The following COL4A3 variants were observed in gnomAD, a reference collection of about 807,000 sequenced individuals.
COL4A3 encodes the protein collagen type IV alpha 3 chain.
Under a neutral mutation model 217.4 loss-of-function variants are expected in COL4A3, and 135 were observed. That is an observed-to-expected ratio of 0.62 (90% CI 0.54 to 0.72). COL4A3 has a LOEUF of 0.72. COL4A3 is among the 30% of genes least tolerant of loss of function. The probability of loss-of-function intolerance (pLI) is 0.00; values close to 1 mark genes in which losing one functional copy is unlikely to be tolerated. For synonymous variants in COL4A3, 690 were observed against 736.3 expected, an observed-to-expected ratio of 0.94 and a Z score of 1.02; for missense variants, 1,868 against 2,119.9, an observed-to-expected ratio of 0.88 and a Z score of 2.33.
chr2:227,202,742 A>G (rs2066746620), intron 1 of COL4A3, among the ~76,000 whole-genome samples: 1 of 90,242 alleles, frequency 1.1e-5, no homozygotes, highest in Non-Finnish European at 2.2e-5. Context: ...CTCTAAAAAA[A>G]AAAAATATAT....
chr2:227,188,396 C>A (rs1334209889), intron 1 of COL4A3, among the ~76,000 whole-genome samples: 3 of 151,780 alleles, frequency 2.0e-5, no homozygotes, highest in Non-Finnish European at 4.4e-5. Context: ...CTTTTTAAAG[C>A]TCAGCGAGCC....
At chr2:227,222,930 C>T (rs1373247353) in intron 1 of COL4A3, among the ~76,000 whole-genome samples, 4 of 152,200 alleles carry the variant, frequency 2.6e-5, no homozygotes, top group Admixed American at 2.6e-4. Flanking sequence ...CACTGATGGC[C>T]AGGTCTAAAT....
intron 9 of COL4A3, 37 bp downstream of exon 9, chr2:227,248,557 T>C (rs749865170): frequency 7.3e-7 from 1 of 1,375,900 alleles, no homozygotes; most frequent in Non-Finnish European, 1.0e-6. Context: ...TTATTCTCAG[T>C]TTTTCACTCT....
Position 227,176,451 on chromosome 2 carries a change from C to T in COL4A3, c.87+11638C>T, listed in dbSNP as rs540259039. On this transcript the variant is annotated intron_variant, in intron 1 of 51. Coordinates refer to ENST00000396578, the MANE Select transcript of COL4A3 (RefSeq NM_000091.5). ...TTGCGGTGAGATCATGACTTTAAAA[C>T]TCGTAACCTTCAGAGCCATTTGAAA... is the stretch of plus-strand genomic sequence containing the variant. 2.0e-4 allele frequency among the ~76,000 whole-genome samples: 31 copies of T among 152,270 alleles called. No homozygotes were observed. In the South Asian group the frequency reaches 3.7e-3, roughly 18 times the overall value.
intron 34 of COL4A3, among the ~76,000 whole-genome samples, chr2:227,286,806 A>T (rs1430508557): frequency 1.3e-5 from 2 of 152,250 alleles, no homozygotes; most frequent in Non-Finnish European, 2.9e-5. Flanking sequence ...GTGCTTTGAG[A>T]AGTGAAACTT....
chr2:227,185,644 A>G (rs1051629128), intron 1 of COL4A3, among the ~76,000 whole-genome samples: 3 of 152,226 alleles, frequency 2.0e-5, no homozygotes, highest in African/African-American at 7.2e-5. Flanking sequence ...TGTAATTATA[A>G]TCCCCACAGA....
At chr2:227,224,579 T>C (rs1375231665) in intron 1 of COL4A3, among the ~76,000 whole-genome samples, 1 of 152,126 alleles carries the variant, frequency 6.6e-6, no homozygotes, top group African/African-American at 2.4e-5. Flanking sequence ...GGTGAAACCC[T>C]GTCTCTACTA....
intron 1 of COL4A3, among the ~76,000 whole-genome samples, chr2:227,195,225 T>A (rs6727755): frequency 0.63 from 95,521 of 151,948 alleles, 30,190 homozygotes; most frequent in East Asian, 0.67. Context: ...TGAGCAACAT[T>A]AGGCAGAAAA....
intron 20 of COL4A3, 109 bp from the exon 21 acceptor site, chr2:227,263,671 C>A: frequency 8.8e-7 from 1 of 1,136,966 alleles, no homozygotes; most frequent in Non-Finnish European, 1.3e-6. Flanking sequence ...ATGTACCTCT[C>A]CATTGTGCAA....
chr2:227,314,617 AAACTT>A lies in COL4A3; in HGVS notation c.*2750_*2754del, dbSNP rs1395703588. 2 of 152,532 alleles carry A rather than the reference AAACTT, an allele frequency of 1.3e-5. No individual in the cohort carries two copies. Among genetic ancestry groups the A allele is most frequent in the Non-Finnish European group, 2.9e-5 (2 of 68,004 alleles). The allele number at this position is 152,532 out of a possible 1,614,324, so 9.4% of individuals were successfully genotyped here. ...GTATCAAATGTAACTTACTGCGACT[AAACTT>A]AATTTAATATTTACTCTATAACCAA... On this transcript the variant is annotated 3_prime_UTR_variant, in exon 52 of 52. Transcript: ENST00000396578.
Position 227,311,852 on chromosome 2 carries a change from C to G in COL4A3, c.4995C>G (p.Cys1665Trp). ...LEKIISRCQV[C>W]MKKRH Reference sequence around the variant, plus strand: ...AAATAATAAGTCGCTGTCAGGTGTGCATGAAGAAAAGACACTGAAGCTAAA... The same window carrying G: ...AAATAATAAGTCGCTGTCAGGTGTGGATGAAGAAAAGACACTGAAGCTAAA... Residue 1665 changes from cysteine (C) to tryptophan (W), a missense_variant, in exon 52 of 52, where the codon TGC becomes TGG. Coordinates refer to ENST00000396578, the MANE Select transcript of COL4A3 (RefSeq NM_000091.5). 1 of 1,613,752 alleles carries G rather than the reference C, an allele frequency of 6.2e-7. No individual in the cohort carries two copies. The highest frequency in any genetic ancestry group is 8.5e-7 in the Non-Finnish European group (1 of 1,179,782).
intron 3 of COL4A3, among the ~76,000 whole-genome samples, chr2:227,240,506 C>G (rs1196140857): frequency 1.3e-5 from 2 of 152,218 alleles, no homozygotes; most frequent in African/African-American, 4.8e-5. Flanking sequence ...TACCTCTATT[C>G]CTCCTACAGT....
At chr2:227,174,290 C>A (rs1358848039) in intron 1 of COL4A3, among the ~76,000 whole-genome samples, 1 of 152,162 alleles carries the variant, frequency 6.6e-6, no homozygotes, top group Non-Finnish European at 1.5e-5. Flanking sequence ...AAAACCAACA[C>A]ACCACACCTT....
At chr2:227,293,468 G>A in intron 38 of COL4A3, 151 bp downstream of exon 38, 1 of 916,750 alleles carries the variant, frequency 1.1e-6, no homozygotes, top group South Asian at 1.8e-5. Flanking sequence ...CACACTAAGA[G>A]AATTCATTAA....
At chr2:227,236,022 C>A (rs1029957033) in intron 1 of COL4A3, among the ~76,000 whole-genome samples, 3 of 152,004 alleles carry the variant, frequency 2.0e-5, no homozygotes, top group Non-Finnish European at 4.4e-5. Context: ...GATCCGCCCC[C>A]CTGGGCCTCG....
chr2:227,244,309 C>G lies in COL4A3; in HGVS notation c.235-11C>G. The G allele has an allele frequency of 6.2e-7, 1 of 1,613,642 alleles. No individual in the cohort carries two copies. Among genetic ancestry groups the G allele is most frequent in the Non-Finnish European group, 8.5e-7 (1 of 1,179,720 alleles). The stretch of plus-strand genomic sequence containing the variant: ...AGAGTGTTTACTTTTTCTTTTTTCA[C>G]TTGAATCTAGGGCTTTCCAGGACTT... On this transcript the variant is annotated splice_polypyrimidine_tract_variant and intron_variant, in intron 3 of 51. Coordinates refer to ENST00000396578, the MANE Select transcript of COL4A3 (RefSeq NM_000091.5).
intron 35 of COL4A3, 94 bp from the exon 36 acceptor site, chr2:227,289,905 T>C: frequency 1.6e-6 from 2 of 1,247,134 alleles, no homozygotes; most frequent in Non-Finnish European, 2.3e-6. Context: ...CTGGCTGTTC[T>C]GCATTCATTC....
At chr2:227,256,149 A>C in intron 16 of COL4A3, 79 bp downstream of exon 16, 1 of 1,417,578 alleles carries the variant, frequency 7.1e-7, no homozygotes, top group Non-Finnish European at 1.0e-6. Flanking sequence ...AAAATCACTA[A>C]ATAGTTATAA....
chr2:227,189,090 T>C (rs1173442650), intron 1 of COL4A3, among the ~76,000 whole-genome samples: 2 of 152,120 alleles, frequency 1.3e-5, no homozygotes, highest in African/African-American at 4.8e-5. Context: ...GGATTCTGTT[T>C]GAGCACCAGA....
Sources: allele counts gnomAD v4.1 joint callset (sites outside exome capture counted in the v4.1 genomes callset), GRCh38; gene constraint gnomAD v4.1.1; transcripts MANE v1.5; gene names NCBI Gene and HGNC (gene_info 2026-07-23, HGNC 2026-07-21).